CYREN: variants seen among roughly 807,000 people sequenced by gnomAD.
The protein encoded by CYREN is cell cycle regulator of non-homologous end joining.
In CYREN, 7 loss-of-function variants were observed where a neutral mutation model predicts 9.7. The ratio of observed to expected loss-of-function variants is 0.72; its 90% CI spans 0.41 to 1.36. The LOEUF (loss-of-function observed/expected upper bound fraction) is 1.36, where lower values mean the gene tolerates loss of function less well. Among genes scored for constraint, CYREN ranks in the 40% most tolerant of loss-of-function variants. The pLI, the probability that CYREN is intolerant of heterozygous loss-of-function variation, is 0.01. For missense variants in CYREN, 215 were observed against 198.1 expected, an observed-to-expected ratio of 1.09 and a Z score of -0.51; for synonymous variants, 76 against 77.9, an observed-to-expected ratio of 0.98 and a Z score of 0.13.
chr7:135,101,778 G>A (rs887205047), intron 2 of CYREN, among the ~76,000 whole-genome samples: 1 of 152,112 alleles, frequency 6.6e-6, no homozygotes, highest in African/African-American at 2.4e-5. Flanking sequence ...ATTCCATCAT[G>A]GTTGATATGG....
intron 2 of CYREN, among the ~76,000 whole-genome samples, chr7:135,156,792 C>T (rs1157466480): frequency 6.6e-6 from 1 of 152,128 alleles, no homozygotes; most frequent in Non-Finnish European, 1.5e-5. Flanking sequence ...ACTGTGTCCC[C>T]ACCCAAATCT....
intron 2 of CYREN, among the ~76,000 whole-genome samples, chr7:135,131,698 A>G (rs920789203): frequency 3.3e-5 from 5 of 152,068 alleles, no homozygotes; most frequent in Non-Finnish European, 7.4e-5. Flanking sequence ...GATAATAAAG[A>G]TAAGAGCAGA....
chr7:135,095,771 A>G (rs1266684772), intron 2 of CYREN, among the ~76,000 whole-genome samples: 2 of 152,176 alleles, frequency 1.3e-5, no homozygotes, highest in Non-Finnish European at 2.9e-5. Flanking sequence ...TGCTGCTCAC[A>G]ATAATGGATC....
At chr7:135,128,775 A>G in intron 2 of CYREN, 1 of 1,301,462 alleles carries the variant, frequency 7.7e-7, no homozygotes, top group Non-Finnish European at 1.1e-6. Flanking sequence ...TAGATTTTGG[A>G]GGAACTTCTG....
intron 1 of CYREN, among the ~76,000 whole-genome samples, chr7:135,169,980 CAGTGATATT>C (rs892551726): frequency 7.2e-5 from 11 of 152,270 alleles, no homozygotes; most frequent in Non-Finnish European, 1.3e-4. Flanking sequence ...TGTCAAAACT[CAGTGATATT>C]AGTGACTCCT....
chr7:135,114,899 G>C (rs577215398), intron 2 of CYREN, among the ~76,000 whole-genome samples: 1 of 152,146 alleles, frequency 6.6e-6, no homozygotes, highest in African/African-American at 2.4e-5. Flanking sequence ...TGGCTTTGAG[G>C]CCCAACATGA....
intron 2 of CYREN, among the ~76,000 whole-genome samples, chr7:135,159,280 C>T (rs1294413883): frequency 6.6e-6 from 1 of 152,212 alleles, no homozygotes; most frequent in East Asian, 1.9e-4. Context: ...GTTTAGATAG[C>T]CATCTTGATC....
intron 2 of CYREN, among the ~76,000 whole-genome samples, chr7:135,133,058 C>T (rs972969541): frequency 4.2e-4 from 52 of 123,222 alleles, no homozygotes; most frequent in Middle Eastern, 4.4e-3. Flanking sequence ...CACACACGCA[C>T]GCATGCGTGC....
intron 2 of CYREN, among the ~76,000 whole-genome samples, chr7:135,159,468 C>T (rs189204107): frequency 3.9e-5 from 6 of 152,302 alleles, no homozygotes; most frequent in African/African-American, 1.4e-4. Flanking sequence ...GAATACTTTC[C>T]TTCTATTTCC....
chr7:135,165,671 C>G (rs1358557169), downstream of CYREN: 1 of 167,142 alleles, frequency 6.0e-6, no homozygotes, highest in Non-Finnish European at 1.5e-5. Context: ...ATGATGAGAC[C>G]CTGGAGGACT....
At chr7:135,104,334 G>A (rs1251919782) in intron 2 of CYREN, among the ~76,000 whole-genome samples, 1 of 152,162 alleles carries the variant, frequency 6.6e-6, no homozygotes, top group African/African-American at 2.4e-5. Context: ...CATCTAGGTT[G>A]ATTCCATGTC....
intron 2 of CYREN, among the ~76,000 whole-genome samples, chr7:135,111,726 A>G (rs117802353): frequency 0.024 from 3,603 of 152,268 alleles, 69 homozygotes; most frequent in Middle Eastern, 0.11. Context: ...AGAGGAGCCC[A>G]TGTAGGACAT....
chr7:135,103,033 T>C (rs1824089684), intron 2 of CYREN, among the ~76,000 whole-genome samples: 2 of 152,208 alleles, frequency 1.3e-5, no homozygotes, highest in Admixed American at 1.3e-4. Flanking sequence ...GGCCTTGTTT[T>C]ATACCTATGT....
chr7:135,169,766 T>C (rs921779346), intron 1 of CYREN, among the ~76,000 whole-genome samples: 4 of 152,138 alleles, frequency 2.6e-5, no homozygotes, highest in Non-Finnish European at 4.4e-5. Flanking sequence ...GTCTCTACCT[T>C]CCACTTAGGA....
At chr7:135,096,783 G>GAAAGAAAGAAAGA (rs1473386036) in intron 2 of CYREN, among the ~76,000 whole-genome samples, 1 of 148,748 alleles carries the variant, frequency 6.7e-6, no homozygotes, top group African/African-American at 2.5e-5. Context: ...AAGAAAGAAA[G>GAAAGAAAGAAAGA]AAAGAAAGAA....
intron 2 of CYREN, chr7:135,101,351 T>G: frequency 2.4e-6 from 1 of 415,948 alleles, no homozygotes; most frequent in East Asian, 7.2e-5. Flanking sequence ...CATTAACATA[T>G]CCTATGAAAC....
At chr7:135,157,164 C>T (rs1439305596) in intron 2 of CYREN, among the ~76,000 whole-genome samples, 1 of 152,166 alleles carries the variant, frequency 6.6e-6, no homozygotes, top group Non-Finnish European at 1.5e-5. Flanking sequence ...TTCCTGTATC[C>T]TTCCATTGAT....
chr7:135,125,078 CA>C (rs758413481), intron 2 of CYREN, among the ~76,000 whole-genome samples: 1 of 151,616 alleles, frequency 6.6e-6, no homozygotes, highest in African/African-American at 2.4e-5. Context: ...GATAGAGACA[CA>C]AAAAACTCCC....
At chr7:135,132,429 A>G (rs1562909756) in intron 2 of CYREN, among the ~76,000 whole-genome samples, 1 of 152,202 alleles carries the variant, frequency 6.6e-6, no homozygotes, top group Non-Finnish European at 1.5e-5. Flanking sequence ...GATCCTATTA[A>G]TTGGCACAGA....
Sources: gnomAD v4.1 joint callset for allele counts (sites outside exome capture counted in the v4.1 genomes callset) on GRCh38, gnomAD v4.1.1 for gene constraint, MANE v1.5 for transcripts, NCBI Gene and HGNC (gene_info 2026-07-23, HGNC 2026-07-21) for gene names.